Variants in CIPC observed in about 807,000 individuals in gnomAD.
CIPC encodes CLOCK-interacting pacemaker.
In CIPC, 12 loss-of-function variants were observed where a neutral mutation model predicts 26.7. The observed-to-expected ratio is 0.45, with a 90% confidence interval of 0.29 to 0.73. CIPC has a LOEUF of 0.73. CIPC is among the 30% of genes least tolerant of loss of function. The probability of loss-of-function intolerance (pLI) is 0.12; values close to 1 mark genes in which losing one functional copy is unlikely to be tolerated. For missense variants in CIPC, 417 were observed against 486.5 expected, an observed-to-expected ratio of 0.86 and a Z score of 1.34; for synonymous variants, 170 against 189.8, an observed-to-expected ratio of 0.90 and a Z score of 0.86.
chr14:77,104,661 G>A (rs1031535584), intron 1 of CIPC, among the ~76,000 whole-genome samples: 1 of 152,082 alleles, frequency 6.6e-6, no homozygotes, highest in African/African-American at 2.4e-5. Flanking sequence ...CATGCCTTTC[G>A]CCTAACTCCT....
In CIPC at chr14:77,116,149, A is replaced by T. The variant is rs985353905; in HGVS notation, c.*1831A>T. 4 of 152,244 alleles carry T rather than the reference A, an allele frequency of 2.6e-5. No homozygotes were observed. Among genetic ancestry groups the T allele is most frequent in the South Asian group, 2.1e-4 (1 of 4,834 alleles). 9.4% of individuals were successfully genotyped at this position (152,244 alleles called of 1,614,324 possible). On this transcript the variant is annotated 3_prime_UTR_variant, in exon 4 of 4. Transcript: ENST00000361786. ...TTTAGATATGACTGATGTAGAAGTGAACAACTTGGTAACATCCCTAGACTC... is the reference window on the plus strand; with the variant it reads ...TTTAGATATGACTGATGTAGAAGTGTACAACTTGGTAACATCCCTAGACTC...
Position 77,113,981 on chromosome 14 carries a change from A to G in CIPC, c.863A>G (p.Asn288Ser). The G allele has an allele frequency of 6.2e-7, 1 of 1,614,198 alleles. No homozygotes were observed. The highest frequency in any genetic ancestry group is 1.3e-5 in the African/African-American group (1 of 75,052). The change falls in exon 4 of 4, where the codon AAT (asparagine) becomes AGT (serine). Residue 288 changes from asparagine (N) to serine (S), a missense_variant. Transcript: ENST00000361786. ...SNSPLSPLSANYSSPLWAAEH... is the reference protein window; with the variant it reads ...SNSPLSPLSASYSSPLWAAEH... ...TCTCCCCTTTCACCACTGTCCGCTA[A>G]TTATAGCTCACCTTTATGGGCTGCA...
At chr14:77,109,478 A>G (rs1186231794) in intron 2 of CIPC, among the ~76,000 whole-genome samples, 1 of 152,182 alleles carries the variant, frequency 6.6e-6, no homozygotes, top group Non-Finnish European at 1.5e-5. Flanking sequence ...AAAGTAATAA[A>G]CTAACTTTGA....
At chr14:77,108,134 T>C (rs1283778762) in intron 2 of CIPC, among the ~76,000 whole-genome samples, 3 of 152,228 alleles carry the variant, frequency 2.0e-5, no homozygotes, top group Non-Finnish European at 4.4e-5. Context: ...ATGTTGTTGA[T>C]GTTGTATCCT....
Position 77,116,567 on chromosome 14 carries a change from C to T in CIPC, c.*2249C>T, listed in dbSNP as rs1030845628. On this transcript the variant is annotated 3_prime_UTR_variant, in exon 4 of 4. Coordinates refer to ENST00000361786, the MANE Select transcript of CIPC (RefSeq NM_033426.3). Reference sequence around the variant, plus strand: ...AAGGCTTGCATTTCCCTCCCTGTTTCAGTAAAAGATGATGAAAGCCACTAT... The same window carrying T: ...AAGGCTTGCATTTCCCTCCCTGTTTTAGTAAAAGATGATGAAAGCCACTAT... 5.9e-5 allele frequency: 9 copies of T among 152,190 alleles called. No homozygotes were observed. Among genetic ancestry groups the T allele is most frequent in the African/African-American group, 1.9e-4 (8 of 41,434 alleles). The allele number at this position is 152,190 out of a possible 1,614,324, so 9.4% of individuals were successfully genotyped here. A position where few individuals can be genotyped will look rare whatever the true frequency, so the allele number is the denominator to read the frequency against.
Position 77,109,831 on chromosome 14 carries a change from G to A in CIPC, c.156G>A (p.Leu52=), listed in dbSNP as rs975751299. The A allele has an allele frequency of 6.2e-7, 1 of 1,613,628 alleles. No homozygotes were observed. The highest frequency in any genetic ancestry group is 8.5e-7 in the Non-Finnish European group (1 of 1,179,606). ...CACCAGATGGGAGCTCGGAATGTCT[G>A]AGCTCTGCAGAGCAGATGGAGTCCG... ...SGFSDGSSEC[L]SSAEQMESED... Residue 52 remains leucine (L), a synonymous_variant, in exon 3 of 4, where the codon CTG becomes CTA. Coordinates refer to ENST00000361786, the MANE Select transcript of CIPC (RefSeq NM_033426.3).
rs1886575793 is a variant in CIPC at position 77,105,602 on chromosome 14, G to T, written c.-52-55G>T. On this transcript the variant is annotated intron_variant, in intron 1 of 3. Coordinates refer to ENST00000361786, the MANE Select transcript of CIPC (RefSeq NM_033426.3). ...TTGCCCATACTTTATTCACTGTTTGGATCACCTGTTTCAGCTCTCCAGGCA... is the reference window on the plus strand; with the variant it reads ...TTGCCCATACTTTATTCACTGTTTGTATCACCTGTTTCAGCTCTCCAGGCA... 5 of 1,227,154 alleles carry T rather than the reference G, an allele frequency of 4.1e-6. No individual in the cohort carries two copies. The Admixed American group carries it at 1.1e-4, about 27-fold the overall frequency. 76.0% of individuals were successfully genotyped at this position (1,227,154 alleles called of 1,614,324 possible).
At position 77,105,764 on chromosome 14, in the gene CIPC, G is replaced by T. The variant is rs778540808; in HGVS notation, c.56G>T (p.Gly19Val). ...ESPRRLSAKV[G>V]KGTEMKKVAR... Reference sequence around the variant, plus strand: ...CCCAGAAGACTCTCTGCCAAAGTAGGCAAAGGCACAGAGATGAAGAAAGTG... The same window carrying T: ...CCCAGAAGACTCTCTGCCAAAGTAGTCAAAGGCACAGAGATGAAGAAAGTG... Residue 19 changes from glycine (G) to valine (V), a missense_variant, in exon 2 of 4, where the codon GGC (glycine) becomes GTC (valine). Physicochemically the swap from Gly to Val is moderately radical, Grantham distance 109. Transcript: ENST00000361786. 6.2e-7 allele frequency: 1 copy of T among 1,614,126 alleles called. No individual in the cohort carries two copies. The highest frequency in any genetic ancestry group is 1.7e-5 in the Admixed American group (1 of 60,028).
chr14:77,100,989 C>T (rs573161001), intron 1 of CIPC, among the ~76,000 whole-genome samples: 1 of 152,274 alleles, frequency 6.6e-6, no homozygotes, highest in Admixed American at 6.5e-5. Context: ...GTTTTGGAGC[C>T]TAAATTAGCC....
intron 3 of CIPC, 161 bp from the exon 4 acceptor site, chr14:77,113,264 T>C (rs781777392): frequency 6.1e-5 from 46 of 751,680 alleles, no homozygotes; most frequent in Non-Finnish European, 9.4e-5. Context: ...GTATTTGTGA[T>C]ATCAGACACA....
chr14:77,110,062 C>A, intron 3 of CIPC, 81 bp downstream of exon 3: 1 of 1,404,400 alleles, frequency 7.1e-7, no homozygotes, highest in South Asian at 1.3e-5. Context: ...GATTTATATT[C>A]TCTGCCAAGG....
At chr14:77,112,901 C>T (rs1431794415) in intron 3 of CIPC, among the ~76,000 whole-genome samples, 3 of 152,046 alleles carry the variant, frequency 2.0e-5, no homozygotes, top group Admixed American at 6.6e-5. Context: ...TTAGTAGAGA[C>T]GGGGTTTCAC....
chr14:77,105,649 T>C lies in CIPC; in HGVS notation c.-52-8T>C. The C allele has an allele frequency of 6.4e-7, 1 of 1,553,266 alleles. No homozygotes were observed. Among genetic ancestry groups the C allele is most frequent in the Non-Finnish European group, 8.7e-7 (1 of 1,148,510 alleles). ...GGCAGTGACTTCTTATATAATTGTT[T>C]TTCATAGGGCAGTCCAGATGAAAAG... On this transcript the variant is annotated splice_region_variant and splice_polypyrimidine_tract_variant and intron_variant, in intron 1 of 3. Coordinates refer to ENST00000361786, the MANE Select transcript of CIPC (RefSeq NM_033426.3).
chr14:77,107,650 ACACACAC>A (rs1433167417), intron 2 of CIPC, among the ~76,000 whole-genome samples: 3 of 136,108 alleles, frequency 2.2e-5, no homozygotes, highest in African/African-American at 7.9e-5. Flanking sequence ...ACACACACAC[ACACACAC>A]ACTCTCTCTC....
intron 3 of CIPC, among the ~76,000 whole-genome samples, chr14:77,111,259 C>T (rs924883199): frequency 6.6e-6 from 1 of 152,204 alleles, no homozygotes; most frequent in African/African-American, 2.4e-5. Flanking sequence ...ACAGCCCACA[C>T]ACACAGTTAC....
At position 77,117,142 on chromosome 14, in the gene CIPC, C is replaced by T. The variant is rs1160252579; in HGVS notation, c.*2824C>T. On this transcript the variant is annotated 3_prime_UTR_variant, in exon 4 of 4. Coordinates refer to ENST00000361786, the MANE Select transcript of CIPC (RefSeq NM_033426.3). ...CTTTAGCAGAAAAGTAACTTTTGTG[C>T]ATATATTGAAGTGGTTTTTCAGCTA... 1 of 152,550 alleles carries T rather than the reference C, an allele frequency of 6.6e-6. No individual in the cohort carries two copies. The highest frequency in any genetic ancestry group is 1.5e-5 in the Non-Finnish European group (1 of 68,024). The allele number at this position is 152,550 out of a possible 1,614,324, so 9.4% of individuals were successfully genotyped here. A position where few individuals can be genotyped will look rare whatever the true frequency, so the allele number is the denominator to read the frequency against.
At chr14:77,104,857 A>G (rs1029414119) in intron 1 of CIPC, among the ~76,000 whole-genome samples, 1 of 152,206 alleles carries the variant, frequency 6.6e-6, no homozygotes, top group Non-Finnish European at 1.5e-5. Flanking sequence ...TGTTCATTCT[A>G]TATCCCCAGT....
At chr14:77,103,626 T>A (rs1886535158) in intron 1 of CIPC, among the ~76,000 whole-genome samples, 1 of 152,246 alleles carries the variant, frequency 6.6e-6, no homozygotes, top group African/African-American at 2.4e-5. Flanking sequence ...GGAATGTTCT[T>A]ATTCTCAGCC....
At chr14:77,111,039 T>C (rs1173276157) in intron 3 of CIPC, among the ~76,000 whole-genome samples, 2 of 152,218 alleles carry the variant, frequency 1.3e-5, no homozygotes, top group East Asian at 1.9e-4. Flanking sequence ...GCTCTCCTTA[T>C]TGAAAGGAAA....
Sources: allele counts gnomAD v4.1 joint callset (sites outside exome capture counted in the v4.1 genomes callset), GRCh38; gene constraint gnomAD v4.1.1; transcripts MANE v1.5; gene names NCBI Gene and HGNC (gene_info 2026-07-23, HGNC 2026-07-21).